Variants in TP73 observed in about 807,000 individuals in gnomAD.
TP73 encodes p53-like transcription factor.
TP73 carries 25 observed loss-of-function variants against 62.5 expected under a neutral mutation model. That is an observed-to-expected ratio of 0.40 (90% CI 0.29 to 0.56). The LOEUF (loss-of-function observed/expected upper bound fraction) is 0.56, where lower values mean the gene tolerates loss of function less well. Ranked by LOEUF, TP73 falls within the 20% of genes least tolerant of loss-of-function variation. The pLI is 0.46. For synonymous variants in TP73, 423 were observed against 377.5 expected (o/e 1.12, Z -1.40); for missense variants, 754 against 913.3 (o/e 0.83, Z 2.25).
chr1:3,664,722 G>T (rs1645072811), intron 1 of TP73, among the ~76,000 whole-genome samples: 1 of 152,250 alleles, frequency 6.6e-6, no homozygotes, highest in East Asian at 1.9e-4. Context: ...TGAGATGGTT[G>T]GGGGGCAGGG....
At chr1:3,687,771 C>A (rs1171482480) in intron 3 of TP73, among the ~76,000 whole-genome samples, 1 of 152,174 alleles carries the variant, frequency 6.6e-6, no homozygotes, top group Non-Finnish European at 1.5e-5. Context: ...TCCTGCCTCT[C>A]CTGGCGCCTT....
intron 1 of TP73, among the ~76,000 whole-genome samples, chr1:3,676,463 T>G: frequency 2.8e-5 from 2 of 72,670 alleles, no homozygotes; most frequent in African/African-American, 5.7e-5. Context: ...AGGGAGGGGA[T>G]GCTTGGGGAC....
At position 3,710,444 on chromosome 1, in the gene TP73, T is replaced by C. The variant is rs190428975; in HGVS notation, c.429+2653T>C. Among the ~76,000 whole-genome samples the C allele has an allele frequency of 2.7e-3, 410 of 152,288 alleles. 12 individuals are homozygous for C. Among genetic ancestry groups the C allele is most frequent in the Admixed American group, 0.024 (374 of 15,304 alleles). ...GCCGGGCAGCCCGCTTGCTCCCAGCTCTGGGGTCCCACCATGCGGGTGCTG... is the reference window on the plus strand; with the variant it reads ...GCCGGGCAGCCCGCTTGCTCCCAGCCCTGGGGTCCCACCATGCGGGTGCTG... On this transcript the variant is annotated intron_variant, in intron 4 of 13. Coordinates refer to ENST00000378295, the MANE Select transcript of TP73 (RefSeq NM_005427.4).
At chr1:3,713,056 G>C (rs758640074) in intron 4 of TP73, among the ~76,000 whole-genome samples, 1 of 152,228 alleles carries the variant, frequency 6.6e-6, no homozygotes, top group Non-Finnish European at 1.5e-5. Flanking sequence ...TGTCCCTAGG[G>C]GAGAAAGCCT....
chr1:3,713,078 G>T (rs995555733), intron 4 of TP73, among the ~76,000 whole-genome samples: 1 of 152,242 alleles, frequency 6.6e-6, no homozygotes, highest in African/African-American at 2.4e-5. Context: ...GGACCGAATG[G>T]GGTGTGGGGG....
Position 3,723,785 on chromosome 1 carries a change from C to T in TP73, c.732+316C>T, listed in dbSNP as rs551082769. On this transcript the variant is annotated intron_variant, in intron 6 of 13. Transcript: ENST00000378295. ...CTCTGTTGGTGCCCAACACTGGTTC[C>T]GGCCTGGGGCTCCCAGACACAGGGA... Among the ~76,000 whole-genome samples the T allele has an allele frequency of 9.8e-5, 15 of 152,344 alleles. No homozygotes were observed. The East Asian group carries it at 1.9e-3, about 20-fold the overall frequency.
chr1:3,717,992 C>T (rs1640744823), intron 4 of TP73, among the ~76,000 whole-genome samples: 1 of 152,198 alleles, frequency 6.6e-6, no homozygotes, highest in Non-Finnish European at 1.5e-5. Context: ...CCTTACTGGC[C>T]AGAGGGGAGG....
At chr1:3,660,757 A>G (rs4648545) in intron 1 of TP73, among the ~76,000 whole-genome samples, 125,276 of 152,248 alleles carry the variant, frequency 0.82, 51,870 homozygotes, top group African/African-American at 0.92. Flanking sequence ...AACATTTTAG[A>G]ATTATAGTTG....
At chr1:3,718,020 C>G (rs900316193) in intron 4 of TP73, among the ~76,000 whole-genome samples, 1 of 152,192 alleles carries the variant, frequency 6.6e-6, no homozygotes, top group African/African-American at 2.4e-5. Flanking sequence ...CTCACATCGC[C>G]TGAGGACAGG....
chr1:3,715,946 T>G (rs1212724658), intron 4 of TP73, among the ~76,000 whole-genome samples: 1 of 152,182 alleles, frequency 6.6e-6, no homozygotes, highest in East Asian at 1.9e-4. Context: ...TCCTGTGGTC[T>G]GGGTGCACTC....
chr1:3,716,430 G>A (rs751157148), intron 4 of TP73, among the ~76,000 whole-genome samples: 7 of 152,184 alleles, frequency 4.6e-5, no homozygotes, highest in South Asian at 4.1e-4. Flanking sequence ...TGAGTGAGCC[G>A]TCACTGCCTC....
Position 3,700,594 on chromosome 1 carries a change from C to T in TP73, c.187-6955C>T, listed in dbSNP as rs560678141. ...GGCAGATCACCTGAGGTCAGGAGTT[C>T]GAGACCAGCCTGGCCAACATGGTGA... On this transcript the variant is annotated intron_variant, in intron 3 of 13. Coordinates refer to ENST00000378295, the MANE Select transcript of TP73 (RefSeq NM_005427.4). 1.2e-3 allele frequency among the ~76,000 whole-genome samples: 184 copies of T among 152,180 alleles called. 1 individual carries two copies. Among genetic ancestry groups the T allele is most frequent in the African/African-American group, 4.0e-3 (166 of 41,508 alleles).
Position 3,687,455 on chromosome 1 carries a change from G to A in TP73, c.186+4275G>A, listed in dbSNP as rs553380120. On this transcript the variant is annotated intron_variant, in intron 3 of 13. Coordinates refer to ENST00000378295, the MANE Select transcript of TP73 (RefSeq NM_005427.4). ...GTGTGGGTGTGATGGTGGGGCGGGG[G>A]TCCTATCCTCACCCGGACCCACCCG... is the stretch of plus-strand genomic sequence containing the variant. Among the ~76,000 whole-genome samples the A allele has an allele frequency of 2.2e-3, 329 of 152,306 alleles. 1 individual carries two copies. Among genetic ancestry groups the A allele is most frequent in the Non-Finnish European group, 3.7e-3 (254 of 68,008 alleles).
In TP73 at chr1:3,720,708, A is replaced by G. The variant is rs374512719; in HGVS notation, c.430-1313A>G. 1.1e-3 allele frequency among the ~76,000 whole-genome samples: 168 copies of G among 152,326 alleles called. 2 individuals carry two copies. Among genetic ancestry groups the G allele is most frequent in the African/African-American group, 3.7e-3 (154 of 41,568 alleles). On this transcript the variant is annotated intron_variant, in intron 4 of 13. Transcript: ENST00000378295. ...GGCTTTTCGTGTGCCTGCACCTGCC[A>G]AGGACCTATGTGGCTCCTGAGAGCC...
chr1:3,653,273 G>A (rs558632823), intron 1 of TP73, among the ~76,000 whole-genome samples: 1 of 152,224 alleles, frequency 6.6e-6, no homozygotes, highest in Non-Finnish European at 1.5e-5. Flanking sequence ...TCTCCGGAGC[G>A]GTCCCAGGTA....
At chr1:3,676,741 T>C (rs1351259303) in intron 1 of TP73, among the ~76,000 whole-genome samples, 4 of 151,880 alleles carry the variant, frequency 2.6e-5, no homozygotes, top group Non-Finnish European at 5.9e-5. Flanking sequence ...CACTTGCTCA[T>C]CTCTGAACTG....
chr1:3,703,465 G>A (rs967702032), intron 3 of TP73, among the ~76,000 whole-genome samples: 4 of 152,138 alleles, frequency 2.6e-5, no homozygotes, highest in East Asian at 3.9e-4. Flanking sequence ...CCTGCTGTCC[G>A]GACACTTGTC....
intron 4 of TP73, among the ~76,000 whole-genome samples, chr1:3,720,684 G>A (rs1490479355): frequency 1.3e-5 from 2 of 152,150 alleles, no homozygotes; most frequent in African/African-American, 4.8e-5. Flanking sequence ...TTCCTTCCTG[G>A]CTTTTCGTGT....
chr1:3,673,778 G>A lies in TP73; in HGVS notation c.-33-8555G>A, dbSNP rs571568436. Among the ~76,000 whole-genome samples the A allele has an allele frequency of 2.8e-4, 42 of 152,376 alleles. No individual in the cohort carries two copies. The East Asian group carries it at 7.5e-3, about 27-fold the overall frequency. On this transcript the variant is annotated intron_variant, in intron 1 of 13. Transcript: ENST00000378295. ...ACAAGGCGGGCCTCTTGGATGTCTG[G>A]ATGTGGATTGGGCCTCAATGTACCG... is the stretch of plus-strand genomic sequence containing the variant.
Sources: gnomAD v4.1 joint callset for allele counts (sites outside exome capture counted in the v4.1 genomes callset) on GRCh38, gnomAD v4.1.1 for gene constraint, MANE v1.5 for transcripts, NCBI Gene and HGNC (gene_info 2026-07-23, HGNC 2026-07-21) for gene names.